THADA: variants seen among roughly 807,000 people sequenced by gnomAD.
The protein encoded by THADA is tRNA (32-2'-O)-methyltransferase regulator THADA.
Under a neutral mutation model 219.8 loss-of-function variants are expected in THADA, and 213 were observed. The observed-to-expected ratio is 0.97, with a 90% confidence interval of 0.87 to 1.09. The LOEUF (loss-of-function observed/expected upper bound fraction) is 1.09. THADA is among the 50% of genes least tolerant of loss of function. THADA has a pLI of 0.00. For synonymous variants in THADA, 1,018 were observed against 828.9 expected, an observed-to-expected ratio of 1.23 and a Z score of -3.92; for missense variants, 2,956 against 2,311.3, an observed-to-expected ratio of 1.28 and a Z score of -5.72.
intron 37 of THADA, among the ~76,000 whole-genome samples, chr2:43,232,072 C>T (rs552569858): frequency 5.3e-5 from 8 of 152,326 alleles, no homozygotes; most frequent in Non-Finnish European, 1.2e-4. Flanking sequence ...AAATGCTTCA[C>T]CCTCAGACCT....
At chr2:43,473,637 G>C (rs112411882) in intron 26 of THADA, among the ~76,000 whole-genome samples, 10,593 of 151,522 alleles carry the variant, frequency 0.07, 431 homozygotes, top group Non-Finnish European at 0.098. Context: ...TTGAGACAGA[G>C]TCTCACTCTC....
At position 43,273,530 on chromosome 2, in the gene THADA, G is replaced by A. The variant is rs1672372898; in HGVS notation, c.5296+6235C>T. ...TGAGTCGATTAGGAAAGAGCCTACT[G>A]GAAGGCAGGAGGAAGGGGGAGGCAG... On this transcript the variant is annotated intron_variant, in intron 36 of 37. Coordinates refer to ENST00000405975, the MANE Select transcript of THADA (RefSeq NM_022065.5). Among the ~76,000 whole-genome samples the A allele has an allele frequency of 1.3e-5, 2 of 152,162 alleles. 1 individual carries two copies. Among genetic ancestry groups the A allele is most frequent in the Admixed American group, 1.3e-4 (2 of 15,270 alleles).
At chr2:43,302,357 A>T (rs1421236184) in intron 31 of THADA, among the ~76,000 whole-genome samples, 1 of 152,012 alleles carries the variant, frequency 6.6e-6, no homozygotes, top group Non-Finnish European at 1.5e-5. Context: ...CCTTGTTTGG[A>T]AAGTCTTTGT....
Position 43,586,990 on chromosome 2 carries a change from G to C in THADA, c.315C>G (p.Ser105Arg), listed in dbSNP as rs187052351. ...LKKVLASSLN[S>R]LPDFFLPEAM... ...CCTCAGGTAGAAAAAAATCAGGCAG[G>C]CTATTTAGTGAGCTAGAAAAAGAAA... Residue 105 changes from serine (S) to arginine (R), a missense_variant, in exon 5 of 38, where the codon AGC becomes AGG. Physicochemically the swap from Ser to Arg is moderately radical, Grantham distance 110. Transcript: ENST00000405975. 11 of 1,612,996 alleles carry C rather than the reference G, an allele frequency of 6.8e-6. No homozygotes were observed. The Admixed American group carries it at 1.0e-4, about 15-fold the overall frequency.
intron 26 of THADA, among the ~76,000 whole-genome samples, chr2:43,444,730 TG>T (rs371042813): frequency 0.025 from 3,730 of 150,444 alleles, 60 homozygotes; most frequent in Non-Finnish European, 0.035. Context: ...GAAAAAAAGG[TG>T]GGGGGGGAGG....
chr2:43,430,586 T>G (rs1679106754), intron 26 of THADA: 1 of 479,780 alleles, frequency 2.1e-6, no homozygotes. Flanking sequence ...ATGTAATCTG[T>G]GCCAATGCCA....
intron 10 of THADA, among the ~76,000 whole-genome samples, chr2:43,575,694 G>A (rs1219928700): frequency 6.6e-6 from 1 of 152,070 alleles, no homozygotes; most frequent in African/African-American, 2.4e-5. Context: ...ATGCCCCCAT[G>A]CCTAGATAAT....
chr2:43,409,741 C>T (rs538579704), intron 28 of THADA, among the ~76,000 whole-genome samples: 1 of 152,146 alleles, frequency 6.6e-6, no homozygotes, highest in South Asian at 2.1e-4. Context: ...AAAACAAAAG[C>T]AGGCATGATG....
intron 36 of THADA, among the ~76,000 whole-genome samples, chr2:43,272,875 C>T (rs954608762): frequency 6.6e-6 from 1 of 151,830 alleles, no homozygotes; most frequent in Admixed American, 6.6e-5. Context: ...ATCTGGCTGC[C>T]CCGGCCTCCG....
At chr2:43,352,175 G>C (rs1668349089) in intron 29 of THADA, among the ~76,000 whole-genome samples, 1 of 152,116 alleles carries the variant, frequency 6.6e-6, no homozygotes, top group African/African-American at 2.4e-5. Context: ...AATTTATCTT[G>C]CTTATATATC....
At chr2:43,235,491 C>G (rs1047260678) in intron 36 of THADA, among the ~76,000 whole-genome samples, 6 of 151,930 alleles carry the variant, frequency 3.9e-5, no homozygotes, top group Non-Finnish European at 8.8e-5. Context: ...CGGGGTTTCT[C>G]CATGTTAGTC....
chr2:43,260,132 C>T (rs60819912), intron 36 of THADA, among the ~76,000 whole-genome samples: 99 of 152,222 alleles, frequency 6.5e-4, no homozygotes, highest in Middle Eastern at 3.4e-3. Context: ...TACAAGTGCC[C>T]GCCACCACAT....
chr2:43,521,587 T>A (rs1186955984), intron 22 of THADA, among the ~76,000 whole-genome samples: 1 of 152,180 alleles, frequency 6.6e-6, no homozygotes, highest in Non-Finnish European at 1.5e-5. Context: ...TTGTTGCTGT[T>A]TTCCTATGCT....
intron 28 of THADA, among the ~76,000 whole-genome samples, chr2:43,417,202 C>T: frequency 6.6e-6 from 1 of 150,800 alleles, no homozygotes; most frequent in Admixed American, 6.6e-5. Flanking sequence ...TAAAGATTTT[C>T]AAAATTACGT....
intron 7 of THADA, among the ~76,000 whole-genome samples, chr2:43,583,534 G>A (rs957482526): frequency 6.6e-6 from 1 of 152,096 alleles, no homozygotes; most frequent in African/African-American, 2.4e-5. Context: ...GTTAAATATA[G>A]AATTATCTTA....
intron 29 of THADA, among the ~76,000 whole-genome samples, chr2:43,364,187 C>CA (rs535314860): frequency 1.8e-3 from 280 of 152,156 alleles, no homozygotes; most frequent in African/African-American, 6.6e-3. Flanking sequence ...TCTGCTGCTG[C>CA]ACTCCAGCCT....
chr2:43,376,549 T>C (rs973189203), intron 29 of THADA, among the ~76,000 whole-genome samples: 2 of 152,176 alleles, frequency 1.3e-5, no homozygotes, highest in East Asian at 3.9e-4. Flanking sequence ...TATTTCTGTC[T>C]CACTTAGAAG....
intron 29 of THADA, among the ~76,000 whole-genome samples, chr2:43,392,709 C>T (rs375227633): frequency 2.0e-4 from 30 of 152,084 alleles, no homozygotes; most frequent in African/African-American, 6.7e-4. Context: ...GAAATGGCCT[C>T]AGTTTCAGTC....
At chr2:43,233,632 G>A (rs1430775689) in intron 36 of THADA, among the ~76,000 whole-genome samples, 1 of 152,158 alleles carries the variant, frequency 6.6e-6, no homozygotes, top group East Asian at 1.9e-4. Context: ...TGGGTGCTTG[G>A]AGGAAGGGCA....
Sources: gnomAD v4.1 joint callset for allele counts (sites outside exome capture counted in the v4.1 genomes callset) on GRCh38, gnomAD v4.1.1 for gene constraint, MANE v1.5 for transcripts, NCBI Gene and HGNC (gene_info 2026-07-23, HGNC 2026-07-21) for gene names.